Variants in AGMO observed in about 807,000 individuals in gnomAD.
AGMO encodes the protein alkylglycerol monooxygenase, also known as glyceryl-ether monooxygenase.
AGMO carries 75 observed loss-of-function variants against 60.2 expected under a neutral mutation model. The ratio of observed to expected loss-of-function variants is 1.25; its 90% confidence interval spans 1.03 to 1.51. AGMO has a LOEUF of 1.51. Among genes scored for constraint, AGMO ranks in the 40% most tolerant of loss-of-function variants. AGMO has a pLI of 0.00. For missense variants in AGMO, 763 were observed against 525.5 expected (o/e 1.45, Z -4.42); for synonymous variants, 261 against 177.1 (o/e 1.47, Z -3.76).
At chr7:15,559,845 A>C (rs977990841) in intron 2 of AGMO, among the ~76,000 whole-genome samples, 7 of 152,162 alleles carry the variant, frequency 4.6e-5, no homozygotes, top group Admixed American at 3.3e-4. Flanking sequence ...ACAAAACACA[A>C]TTTTAATAGA....
At chr7:15,197,412 CTGTTAA>C (rs1781147669), downstream of AGMO, among the ~76,000 whole-genome samples, 1 of 152,092 alleles carries the variant, frequency 6.6e-6, no homozygotes, top group African/African-American at 2.4e-5. Flanking sequence ...ATCATGTAAG[CTGTTAA>C]TGTTAAATAC....
At chr7:15,273,138 C>A (rs980064164) in intron 12 of AGMO, among the ~76,000 whole-genome samples, 7 of 152,162 alleles carry the variant, frequency 4.6e-5, no homozygotes, top group Non-Finnish European at 1.0e-4. Flanking sequence ...TTAATTAGAT[C>A]CCATTTGTCA....
the AGMO span, among the ~76,000 whole-genome samples, chr7:15,155,419 C>CTTTTTTTTTTTTTT: frequency 1.3e-4 from 8 of 63,914 alleles, no homozygotes; most frequent in East Asian, 5.1e-4. Context: ...TACAGAATTT[C>CTTTTTTTTTTTTTT]TTTTTTTTTT....
At chr7:15,346,377 T>C (rs925490167) in intron 12 of AGMO, among the ~76,000 whole-genome samples, 3 of 152,088 alleles carry the variant, frequency 2.0e-5, no homozygotes, top group African/African-American at 7.2e-5. Flanking sequence ...TTGGGCTTTG[T>C]AGATTTGTTT....
chr7:15,354,492 A>G (rs9691253), intron 12 of AGMO, among the ~76,000 whole-genome samples: 4,311 of 21,582 alleles, frequency 0.2, 669 homozygotes, highest in East Asian at 0.55. Flanking sequence ...GTATATACAC[A>G]CGTGTATATA....
In AGMO at chr7:15,412,364, C is replaced by T. The variant is rs563820959; in HGVS notation, c.609+6194G>A. 2.9e-4 allele frequency among the ~76,000 whole-genome samples: 44 copies of T among 151,992 alleles called. 1 individual carries two copies. The East Asian group carries it at 8.5e-3, about 29-fold the overall frequency. ...CATCACTGAATGGGCAGTGTATGCA[C>T]TAGGTTAGGAGTCGTAGGCCAAATT... On this transcript the variant is annotated intron_variant, in intron 5 of 12. Coordinates refer to ENST00000342526, the MANE Select transcript of AGMO (RefSeq NM_001004320.2).
chr7:15,242,893 A>G (rs1030640205), intron 12 of AGMO, among the ~76,000 whole-genome samples: 11 of 152,146 alleles, frequency 7.2e-5, no homozygotes, highest in Non-Finnish European at 1.5e-4. Context: ...AAGTGTATAT[A>G]ATGATGAATG....
Position 15,262,413 on chromosome 7 carries a change from C to T in AGMO, c.1264-61054G>A, listed in dbSNP as rs139707905. 3.3e-5 allele frequency among the ~76,000 whole-genome samples: 5 copies of T among 152,016 alleles called. No individual in the cohort carries two copies. In the East Asian group the frequency reaches 9.7e-4, roughly 29 times the overall value. On this transcript the variant is annotated intron_variant, in intron 12 of 12. Transcript: ENST00000342526. ...ATAAAATAAAATACTTTGGAATATACCTAACCAAGGACATGAAAAACTTCT... is the reference window on the plus strand; with the variant it reads ...ATAAAATAAAATACTTTGGAATATATCTAACCAAGGACATGAAAAACTTCT...
chr7:15,368,826 AATAC>A (rs1396947287), intron 10 of AGMO, among the ~76,000 whole-genome samples: 10 of 152,124 alleles, frequency 6.6e-5, no homozygotes, highest in African/African-American at 2.4e-4. Context: ...ATCCCTGGAC[AATAC>A]AAATAACTCT....
At chr7:15,333,554 T>C (rs1023316092) in intron 12 of AGMO, among the ~76,000 whole-genome samples, 2 of 150,040 alleles carry the variant, frequency 1.3e-5, no homozygotes, top group African/African-American at 2.5e-5. Flanking sequence ...TGCTAATGTA[T>C]ACCCTTTGGA....
intron 12 of AGMO, among the ~76,000 whole-genome samples, chr7:15,354,043 C>T (rs1181907812): frequency 6.6e-6 from 1 of 151,924 alleles, no homozygotes; most frequent in Non-Finnish European, 1.5e-5. Context: ...AGAAGCAATA[C>T]TATGTTCTAA....
At chr7:15,354,513 T>C (rs1383875399) in intron 12 of AGMO, among the ~76,000 whole-genome samples, 3 of 87,182 alleles carry the variant, frequency 3.4e-5, no homozygotes, top group African/African-American at 1.1e-4. Flanking sequence ...TATATATATA[T>C]ATATATATAT....
At chr7:15,224,876 T>A (rs984488334) in intron 12 of AGMO, among the ~76,000 whole-genome samples, 2 of 152,070 alleles carry the variant, frequency 1.3e-5, no homozygotes, top group African/African-American at 4.8e-5. Context: ...TGCTTCATAT[T>A]GCACATCTAG....
At chr7:15,357,052 A>G (rs1234575003) in intron 12 of AGMO, among the ~76,000 whole-genome samples, 1 of 151,032 alleles carries the variant, frequency 6.6e-6, no homozygotes, top group Non-Finnish European at 1.5e-5. Context: ...TAAACCTGGG[A>G]GGCGGAGGAT....
At chr7:15,269,234 G>C (rs1212919985) in intron 12 of AGMO, among the ~76,000 whole-genome samples, 1 of 152,112 alleles carries the variant, frequency 6.6e-6, no homozygotes, top group Non-Finnish European at 1.5e-5. Flanking sequence ...GCTTGTGTGT[G>C]CAAGTGAAGG....
chr7:15,349,322 A>G (rs543182592), intron 12 of AGMO, among the ~76,000 whole-genome samples: 1 of 152,276 alleles, frequency 6.6e-6, no homozygotes, highest in Admixed American at 6.5e-5. Flanking sequence ...CTTATCTGGA[A>G]CCACTGTGAG....
chr7:15,239,015 A>G (rs1563049748), intron 12 of AGMO, among the ~76,000 whole-genome samples: 1 of 152,144 alleles, frequency 6.6e-6, no homozygotes, highest in Non-Finnish European at 1.5e-5. Context: ...AGAAGCACAG[A>G]AAGAATAAAT....
chr7:15,225,076 T>C (rs1425977068), intron 12 of AGMO, among the ~76,000 whole-genome samples: 1 of 151,976 alleles, frequency 6.6e-6, no homozygotes, highest in Non-Finnish European at 1.5e-5. Context: ...TTTTTCTTTT[T>C]TCTTTCACTT....
chr7:15,396,515 A>G (rs1044738897), intron 5 of AGMO: 2 of 152,296 alleles, frequency 1.3e-5, no homozygotes, highest in African/African-American at 2.4e-5. Flanking sequence ...GCAGCAATAC[A>G]TACATTGCAA....
Sources: allele counts gnomAD v4.1 joint callset (sites outside exome capture counted in the v4.1 genomes callset), GRCh38; gene constraint gnomAD v4.1.1; transcripts MANE v1.5; gene names NCBI Gene and HGNC (gene_info 2026-07-23, HGNC 2026-07-21).